Variants in STAB2 observed in about 807,000 individuals in gnomAD.
STAB2 encodes the protein stabilin 2, also known as stabilin-2.
A neutral mutation model predicts 338.1 loss-of-function variants in STAB2; 288 were observed. The observed-to-expected ratio is 0.85, with a 90% CI of 0.77 to 0.94. The LOEUF (loss-of-function observed/expected upper bound fraction) is 0.94. Among genes scored for constraint, STAB2 ranks in the 40% least tolerant of loss-of-function variants. The pLI is 0.00. For missense variants in STAB2, 3,141 were observed against 3,210.1 expected, an observed-to-expected ratio of 0.98 and a Z score of 0.52; for synonymous variants, 1,202 against 1,193.3, an observed-to-expected ratio of 1.01 and a Z score of -0.15.
intron 3 of STAB2, among the ~76,000 whole-genome samples, chr12:103,594,848 G>A (rs1215243432): frequency 6.6e-6 from 1 of 152,102 alleles, no homozygotes; most frequent in African/African-American, 2.4e-5. Flanking sequence ...TCTTTAAGAA[G>A]AAATTTTGTT....
intron 28 of STAB2, 38 bp from the exon 29 acceptor site, chr12:103,689,808 A>G (rs1440835324): frequency 1.9e-6 from 3 of 1,602,630 alleles, no homozygotes; most frequent in East Asian, 4.5e-5. Flanking sequence ...TTGTCCCCTA[A>G]CATAAGCAGG....
rs537092802 is a variant in STAB2 at position 103,675,590 on chromosome 12, G to A, written c.2553-338G>A. ...GTGTTGAGATTTATGATCTGCAAGC[G>A]CTCTGCTAAACGCTCAGTGTGCATT... is the stretch of plus-strand genomic sequence containing the variant. On this transcript the variant is annotated intron_variant, in intron 23 of 68. Transcript: ENST00000388887. Among the ~76,000 whole-genome samples the A allele has an allele frequency of 5.3e-5, 8 of 152,342 alleles. No individual in the cohort carries two copies. The East Asian group carries it at 5.8e-4, about 11-fold the overall frequency.
At chr12:103,758,008 C>T (rs1884261983) in intron 63 of STAB2, 162 bp from the exon 64 acceptor site, 1 of 1,035,940 alleles carries the variant, frequency 9.7e-7, no homozygotes, top group South Asian at 1.6e-5. Context: ...AGTCCTCAAA[C>T]TCTCCCACGG....
intron 3 of STAB2, among the ~76,000 whole-genome samples, chr12:103,607,508 G>T (rs9668012): frequency 0.32 from 48,518 of 150,252 alleles, 9,964 homozygotes; most frequent in African/African-American, 0.58. Flanking sequence ...TTTACATTAG[G>T]TATATCTCCT....
Position 103,762,321 on chromosome 12 carries a change from C to G in STAB2, c.7407C>G (p.Ile2469Met). The change falls in exon 67 of 69, where the codon ATC (isoleucine) becomes ATG (methionine). Residue 2469 changes from isoleucine to methionine, a missense_variant. Transcript: ENST00000388887. ...GLGAGIFFAI[I>M]LVTGAVALAA... ...GAGCAGGGATCTTCTTTGCCATCAT[C>G]CTGGTGACTGGGGCTGTTGCCTTGG... The G allele has an allele frequency of 6.2e-7, 1 of 1,614,252 alleles. No individual in the cohort carries two copies. Among genetic ancestry groups the G allele is most frequent in the Non-Finnish European group, 8.5e-7 (1 of 1,180,048 alleles).
chr12:103,745,890 A>G (rs1882992922), intron 57 of STAB2, among the ~76,000 whole-genome samples: 1 of 152,146 alleles, frequency 6.6e-6, no homozygotes, highest in South Asian at 2.1e-4. Flanking sequence ...GATCCTTACT[A>G]GGTGGTCAGT....
At position 103,620,603 on chromosome 12, in the gene STAB2, C is replaced by T. The variant is rs1328024537; in HGVS notation, c.417+50C>T. 4.1e-6 allele frequency: 6 copies of T among 1,454,262 alleles called. No individual in the cohort carries two copies. The Admixed American group carries it at 7.9e-5, about 19-fold the overall frequency. 90.1% of individuals were successfully genotyped at this position (1,454,262 alleles called of 1,614,324 possible). Reference sequence around the variant, plus strand: ...TTTCCTGGTTTCTGCTCCCCATCTTCTTACCTGTTGATCCTCCTTAAACAC... The same window carrying T: ...TTTCCTGGTTTCTGCTCCCCATCTTTTTACCTGTTGATCCTCCTTAAACAC... On this transcript the variant is annotated intron_variant, in intron 4 of 68. Coordinates refer to ENST00000388887, the MANE Select transcript of STAB2 (RefSeq NM_017564.10).
intron 5 of STAB2, 45 bp from the exon 6 acceptor site, chr12:103,631,553 A>T: frequency 6.4e-7 from 1 of 1,562,768 alleles, no homozygotes; most frequent in Non-Finnish European, 8.8e-7. Flanking sequence ...ATGTTTAGCA[A>T]CAGTCTATGT....
chr12:103,651,112 C>T (rs1237712586), intron 11 of STAB2, among the ~76,000 whole-genome samples: 5 of 152,076 alleles, frequency 3.3e-5, no homozygotes, highest in African/African-American at 1.2e-4. Flanking sequence ...ACTTGTAGTG[C>T]CTGGTGGAGG....
chr12:103,656,103 A>G (rs144507173), intron 15 of STAB2, among the ~76,000 whole-genome samples: 124 of 152,340 alleles, frequency 8.1e-4, no homozygotes, highest in African/African-American at 2.9e-3. Flanking sequence ...TAAAAGGGCA[A>G]TTATTGACTT....
At chr12:103,628,308 A>G (rs1301635462) in intron 5 of STAB2, among the ~76,000 whole-genome samples, 29 of 152,236 alleles carry the variant, frequency 1.9e-4, no homozygotes, top group Admixed American at 1.9e-3. Context: ...TAGATAATGC[A>G]TGACAACACA....
chr12:103,695,430 T>G, intron 31 of STAB2, 120 bp from the exon 32 acceptor site: 1 of 809,756 alleles, frequency 1.2e-6, no homozygotes, highest in Non-Finnish European at 2.0e-6. Context: ...TTCAAAAGGT[T>G]GTCAATGTCA....
chr12:103,713,990 A>G (rs1012702243), intron 42 of STAB2, among the ~76,000 whole-genome samples: 3 of 152,258 alleles, frequency 2.0e-5, no homozygotes, highest in Non-Finnish European at 4.4e-5. Context: ...ACATTTTCCA[A>G]TTAAACATCA....
chr12:103,728,408 C>G (rs1193209453), intron 47 of STAB2, among the ~76,000 whole-genome samples: 1 of 152,236 alleles, frequency 6.6e-6, no homozygotes, highest in East Asian at 1.9e-4. Context: ...CTGCACCCAG[C>G]CTTGTTTGTA....
chr12:103,750,437 G>T, intron 59 of STAB2, 142 bp from the exon 60 acceptor site: 1 of 990,750 alleles, frequency 1.0e-6, no homozygotes, highest in East Asian at 2.4e-5. Flanking sequence ...GGACGTAGCA[G>T]TTATTCCCAC....
chr12:103,591,111 T>G (rs1226529520), intron 2 of STAB2, 81 bp downstream of exon 2: 1 of 1,585,300 alleles, frequency 6.3e-7, no homozygotes, highest in Non-Finnish European at 8.6e-7. Flanking sequence ...AGCATTTCCA[T>G]GACTTTTCTC....
intron 6 of STAB2, among the ~76,000 whole-genome samples, chr12:103,633,289 A>G (rs1957493071): frequency 6.6e-6 from 1 of 152,260 alleles, no homozygotes; most frequent in Non-Finnish European, 1.5e-5. Flanking sequence ...GCCAAATGAC[A>G]AGAGACTAGG....
chr12:103,640,358 C>T, intron 9 of STAB2, 102 bp downstream of exon 9: 1 of 1,462,028 alleles, frequency 6.8e-7, no homozygotes, highest in East Asian at 2.3e-5. Context: ...TCTTATTCAG[C>T]CTTGCATCCA....
chr12:103,742,442 G>C lies in STAB2; in HGVS notation c.5919G>C (p.Arg1973=), dbSNP rs780417561. The C allele has an allele frequency of 1.2e-6, 2 of 1,614,120 alleles. No homozygotes were observed. The highest frequency in any genetic ancestry group is 1.7e-6 in the Non-Finnish European group (2 of 1,180,006). The change falls in exon 56 of 69, where the codon CGG becomes CGC. Residue 1973 remains arginine, a synonymous_variant. Transcript: ENST00000388887. ...PGGPDAPCNN[R]GVCLDQYSAT... is the part of the protein sequence containing the mutation. The stretch of plus-strand genomic sequence containing the variant: ...GACCAGATGCCCCGTGTAATAACCG[G>C]GGTGTCTGCCTTGATCAGTACTCGG...
Sources: allele counts gnomAD v4.1 joint callset (sites outside exome capture counted in the v4.1 genomes callset), GRCh38; gene constraint gnomAD v4.1.1; transcripts MANE v1.5; gene names NCBI Gene and HGNC (gene_info 2026-07-23, HGNC 2026-07-21).